CAPN12: variants seen among roughly 807,000 people sequenced by gnomAD.
The protein encoded by CAPN12 is calpain 12.
Under a neutral mutation model 95.0 loss-of-function variants are expected in CAPN12, and 107 were observed. That is an observed-to-expected ratio of 1.13 (90% confidence interval 0.96 to 1.32). CAPN12 has a LOEUF of 1.32. Among genes scored for constraint, CAPN12 ranks in the 40% most tolerant of loss-of-function variants. The probability of loss-of-function intolerance (pLI) is 0.00; values close to 1 mark genes in which losing one functional copy is unlikely to be tolerated. For missense variants in CAPN12, 1,136 were observed against 997.8 expected (o/e 1.14, Z -1.87); for synonymous variants, 505 against 415.5 (o/e 1.22, Z -2.62).
intron 10 of CAPN12, chr19:38,736,812 CCTCT>C (rs537026543): frequency 0.01 from 6,031 of 591,120 alleles, 75 homozygotes; most frequent in Middle Eastern, 0.044. Context: ...TAACCCCCAG[CCTCT>C]CTCTGTCCCT....
intron 14 of CAPN12, 190 bp downstream of exon 14, chr19:38,735,180 G>A (rs145370490): frequency 2.4e-5 from 15 of 630,156 alleles, no homozygotes; most frequent in East Asian, 1.4e-4. Context: ...CTGGGAGAGG[G>A]TATGGACTGA....
At chr19:38,731,754 C>CA (rs1969632787) in intron 18 of CAPN12, among the ~76,000 whole-genome samples, 2 of 151,526 alleles carry the variant, frequency 1.3e-5, no homozygotes, top group Non-Finnish European at 2.9e-5. Flanking sequence ...CACGGCCAGA[C>CA]AAACCCAGTT....
chr19:38,733,583 G>A, intron 18 of CAPN12, 120 bp downstream of exon 18: 1 of 863,262 alleles, frequency 1.2e-6, no homozygotes, highest in Non-Finnish European at 1.9e-6. Flanking sequence ...AACAAGCTAA[G>A]GTGTGGGCCT....
chr19:38,735,648 C>T lies in CAPN12; in HGVS notation c.1584-104G>A, dbSNP rs530736679. Reference sequence around the variant, plus strand: ...AATCGCGTGGGGTCTAGGTAGGGACCGTGGAGCCCTGGGCTCATCCTCGCG... The same window carrying T: ...AATCGCGTGGGGTCTAGGTAGGGACTGTGGAGCCCTGGGCTCATCCTCGCG... On this transcript the variant is annotated intron_variant, in intron 12 of 20. Coordinates refer to ENST00000328867, the MANE Select transcript of CAPN12 (RefSeq NM_144691.4). 3.1e-5 allele frequency: 28 copies of T among 893,526 alleles called. No homozygotes were observed. The African/African-American group carries it at 5.1e-4, about 16-fold the overall frequency. 55.3% of individuals were successfully genotyped at this position (893,526 alleles called of 1,614,324 possible).
intron 5 of CAPN12, 33 bp downstream of exon 5, chr19:38,740,018 T>C (rs1970453560): frequency 1.3e-6 from 2 of 1,519,490 alleles, no homozygotes; most frequent in African/African-American, 1.4e-5. Context: ...CTGGTCCTGG[T>C]GGGGGTTCCG....
intron 17 of CAPN12, 65 bp downstream of exon 17, chr19:38,734,077 G>C (rs750398745): frequency 6.4e-6 from 10 of 1,569,600 alleles, no homozygotes; most frequent in Non-Finnish European, 8.7e-6. Context: ...AGCCCACAGG[G>C]TGCCTATGTC....
intron 1 of CAPN12, 35 bp downstream of exon 1, chr19:38,743,894 C>T: frequency 1.2e-6 from 2 of 1,601,654 alleles, no homozygotes; most frequent in Non-Finnish European, 8.5e-7. Flanking sequence ...CCTCCTCCCT[C>T]AGACCCCAGA....
chr19:38,743,353 A>G (rs1316407532), intron 1 of CAPN12, among the ~76,000 whole-genome samples: 2 of 123,604 alleles, frequency 1.6e-5, no homozygotes, highest in Non-Finnish European at 3.4e-5. Context: ...CCTCCCTCAG[A>G]CCCAGGAGTC....
At position 38,744,307 on chromosome 19, in the gene CAPN12, G is replaced by T; in HGVS notation, c.-142C>A. 1.2e-6 allele frequency: 1 copy of T among 807,064 alleles called. No homozygotes were observed. The highest frequency in any genetic ancestry group is 2.0e-6 in the Non-Finnish European group (1 of 500,260). 50.0% of individuals were successfully genotyped at this position (807,064 alleles called of 1,614,324 possible). A position where few individuals can be genotyped will look rare whatever the true frequency, so the allele number is the denominator to read the frequency against. On this transcript the variant is annotated 5_prime_UTR_variant, in exon 1 of 21. Transcript: ENST00000328867. ...CGTTAATATTAATTGATGGTTTGGG[G>T]TGCTGGGGAGCAGGGACGCCTCTTC...
At chr19:38,743,587 C>T (rs55864316) in intron 1 of CAPN12, among the ~76,000 whole-genome samples, 2 of 132,230 alleles carry the variant, frequency 1.5e-5, no homozygotes, top group Non-Finnish European at 3.4e-5. Context: ...GTCCAGGTCC[C>T]CAGCCCCCTC....
chr19:38,741,564 G>T (rs977600468), intron 4 of CAPN12, among the ~76,000 whole-genome samples: 1 of 150,376 alleles, frequency 6.6e-6, no homozygotes, highest in African/African-American at 2.5e-5. Flanking sequence ...CAGAGTGAGT[G>T]AGACTCCGTC....
intron 10 of CAPN12, 137 bp from the exon 11 acceptor site, chr19:38,736,700 C>T (rs1370793220): frequency 4.5e-6 from 5 of 1,115,730 alleles, no homozygotes; most frequent in African/African-American, 1.6e-5. Flanking sequence ...ACCTTTGCCC[C>T]GCAGTCCCCG....
intron 12 of CAPN12, among the ~76,000 whole-genome samples, 180 bp downstream of exon 12, chr19:38,735,930 G>GGCGGT (rs1474084196): frequency 2.0e-4 from 1 of 5,060 alleles, no homozygotes; most frequent in Non-Finnish European, 7.0e-4. Flanking sequence ...GGCGGGGCGG[G>GGCGGT]GGTTCTGGGG....
chr19:38,734,742 G>T, intron 15 of CAPN12, 71 bp downstream of exon 15: 1 of 1,429,990 alleles, frequency 7.0e-7, no homozygotes, highest in Non-Finnish European at 9.7e-7. Context: ...ATAGACATAG[G>T]GTGGCACCGG....
At chr19:38,742,174 A>C in intron 3 of CAPN12, 1 of 618,854 alleles carries the variant, frequency 1.6e-6, no homozygotes, top group South Asian at 2.0e-5. Context: ...AAATAAGAAA[A>C]AATTAGCTGG....
chr19:38,739,713 T>G, intron 5 of CAPN12: 1 of 168,054 alleles, frequency 6.0e-6, no homozygotes, highest in Non-Finnish European at 1.2e-5. Context: ...AGAGGCACTT[T>G]TTTTTTTTTT....
chr19:38,738,306 G>A lies in CAPN12; in HGVS notation c.932C>T (p.Ala311Val). 6.2e-7 allele frequency: 1 copy of A among 1,612,094 alleles called. No homozygotes were observed. The highest frequency in any genetic ancestry group is 1.1e-5 in the South Asian group (1 of 90,994). ...WDTLPTECRD[A>V]LLVKKEDGEF... ...GCCATCCTCCTTTTTCACCAGCAGGGCATCGCGGCACTCGGTGGGGAGTGT... is the reference window on the plus strand; with the variant it reads ...GCCATCCTCCTTTTTCACCAGCAGGACATCGCGGCACTCGGTGGGGAGTGT... Residue 311 changes from alanine (A) to valine (V), a missense_variant, in exon 8 of 21, where the codon GCC (alanine) becomes GTC (valine). Ala to Val is a moderately conservative substitution (Grantham distance 64). Coordinates refer to ENST00000328867, the MANE Select transcript of CAPN12 (RefSeq NM_144691.4).
intron 10 of CAPN12, 34 bp from the exon 11 acceptor site, chr19:38,736,597 G>C: frequency 1.3e-6 from 2 of 1,587,222 alleles, no homozygotes; most frequent in Non-Finnish European, 1.7e-6. Context: ...CGTCGGGGCA[G>C]GGGAGAGGTG....
chr19:38,744,095 A>G lies in CAPN12; in HGVS notation c.71T>C (p.Leu24Pro), dbSNP rs1421990144. 2 of 1,614,118 alleles carry G rather than the reference A, an allele frequency of 1.2e-6. No homozygotes were observed. The highest frequency in any genetic ancestry group is 1.7e-6 in the Non-Finnish European group (2 of 1,180,008). ...DEEAGVGAGR[L>P]QLFRGQSYEA... ...ATAGCTCTGGCCCCGAAAAAGCTGC[A>G]GGCGCCCGGCTCCGACCCCAGCCTC... is the stretch of plus-strand genomic sequence containing the variant. Residue 24 changes from leucine (L) to proline (P), a missense_variant, in exon 1 of 21, where the codon CTG becomes CCG. By Grantham distance (98) the Leu-to-Pro change is moderately conservative. Transcript: ENST00000328867.
Sources: gnomAD v4.1 joint callset for allele counts (sites outside exome capture counted in the v4.1 genomes callset) on GRCh38, gnomAD v4.1.1 for gene constraint, MANE v1.5 for transcripts, NCBI Gene and HGNC (gene_info 2026-07-23, HGNC 2026-07-21) for gene names.